The following PCDHGA5 variants were observed in gnomAD, a reference collection of about 807,000 sequenced individuals.
PCDHGA5 encodes protocadherin gamma subfamily A, 5, also known as protocadherin gamma-A5.
In PCDHGA5, 36 loss-of-function variants were observed where a neutral mutation model predicts 56.7. That is an observed-to-expected ratio of 0.64 (90% CI 0.49 to 0.84). The LOEUF (loss-of-function observed/expected upper bound fraction) is 0.84. PCDHGA5 is among the 40% of genes least tolerant of loss of function. The pLI, the probability that PCDHGA5 is intolerant of heterozygous loss-of-function variation, is 0.00. For synonymous variants in PCDHGA5, 563 were observed against 520.2 expected, an observed-to-expected ratio of 1.08 and a Z score of -1.12; for missense variants, 1,305 against 1,201.5, an observed-to-expected ratio of 1.09 and a Z score of -1.27.
intron 1 of PCDHGA5, chr5:141,383,265 A>AAT: frequency 6.2e-7 from 1 of 1,613,948 alleles, no homozygotes; most frequent in African/African-American, 1.3e-5. Flanking sequence ...TAGACGTGGA[A>AAT]ATAATAGATA....
intron 1 of PCDHGA5, among the ~76,000 whole-genome samples, chr5:141,457,293 T>A (rs2098916185): frequency 6.6e-6 from 1 of 152,226 alleles, no homozygotes; most frequent in Admixed American, 6.5e-5. Context: ...TTCCTTGGTT[T>A]TATTTTCCCA....
chr5:141,415,755 T>C (rs753465209), intron 1 of PCDHGA5: 19 of 1,387,632 alleles, frequency 1.4e-5, no homozygotes, highest in Middle Eastern at 2.6e-4. Flanking sequence ...TTTTTTTTTT[T>C]TTTTTTTTTT....
At chr5:141,372,931 A>T in intron 1 of PCDHGA5, 1 of 890,318 alleles carries the variant, frequency 1.1e-6, no homozygotes, top group Non-Finnish European at 1.6e-6. Flanking sequence ...TTTCTGGTGT[A>T]GAGTAGGGTG....
rs774151451 is a variant in PCDHGA5 at position 141,374,148 on chromosome 5, C to A, written c.2421+7397C>A. On this transcript the variant is annotated intron_variant, in intron 1 of 3. Coordinates refer to ENST00000518069, the MANE Select transcript of PCDHGA5 (RefSeq NM_018918.3). The stretch of plus-strand genomic sequence containing the variant: ...GTCCTGCTCCTCACGCTCCTGGGGA[C>A]GCTGTGGGGGGCCGCGGCAGCGCAG... 1.2e-6 allele frequency: 2 copies of A among 1,611,000 alleles called. No individual in the cohort carries two copies. Among genetic ancestry groups the A allele is most frequent in the African/African-American group, 2.7e-5 (2 of 74,910 alleles).
chr5:141,392,463 AT>A (rs770659302), intron 1 of PCDHGA5: 30 of 173,504 alleles, frequency 1.7e-4, no homozygotes, highest in Non-Finnish European at 2.8e-4. Context: ...TTACGGATAA[AT>A]CAAATAAATT....
Position 141,486,427 on chromosome 5 carries a change from A to G in PCDHGA5, c.2422-8380A>G. On this transcript the variant is annotated intron_variant, in intron 1 of 3. Transcript: ENST00000518069. This position sits in a 1 kb window ranked among gnomAD's most constrained non-coding sequence, Gnocchi z 5.0. ...CTGGACCCTTGGATCGAGAGGCCAA[A>G]TCTAGCTATGACATCATGGTCACTG... The G allele has an allele frequency of 6.2e-7, 1 of 1,614,160 alleles. No homozygotes were observed. Among genetic ancestry groups the G allele is most frequent in the Non-Finnish European group, 8.5e-7 (1 of 1,180,016 alleles).
intron 1 of PCDHGA5, chr5:141,423,749 TTGGGGGGGGGG>T: frequency 3.7e-6 from 1 of 272,202 alleles, no homozygotes; most frequent in Non-Finnish European, 4.7e-6. Context: ...TGAAAACTGT[TTGGGGGGGGGG>T]TGGGGCGGCA....
chr5:141,425,869 C>G (rs1376765137), intron 1 of PCDHGA5, among the ~76,000 whole-genome samples: 1 of 152,198 alleles, frequency 6.6e-6, no homozygotes, highest in Non-Finnish European at 1.5e-5. Flanking sequence ...TATAGATTCC[C>G]ATCTCTAAGG....
At chr5:141,383,867 A>G in intron 1 of PCDHGA5, 3 of 1,614,006 alleles carry the variant, frequency 1.9e-6, no homozygotes, top group Non-Finnish European at 1.7e-6. Context: ...CAGGCTCAAG[A>G]TGGTCCTGGT....
rs371979287 is a variant in PCDHGA5, at chr5:141,384,185, C to A, written c.2421+17434C>A. On this transcript the variant is annotated intron_variant, in intron 1 of 3. Transcript: ENST00000518069. Reference sequence around the variant, plus strand: ...ACACTGAAAGCCACAGATGGTGGAACTCCTCCCTTGTCCAGGGAAACTCAC... The same window carrying A: ...ACACTGAAAGCCACAGATGGTGGAAATCCTCCCTTGTCCAGGGAAACTCAC... The A allele has an allele frequency of 6.2e-7, 1 of 1,613,718 alleles. No homozygotes were observed. Among genetic ancestry groups the A allele is most frequent in the Non-Finnish European group, 8.5e-7 (1 of 1,179,848 alleles).
chr5:141,398,165 G>A (rs574512663), intron 1 of PCDHGA5: 4 of 1,479,272 alleles, frequency 2.7e-6, no homozygotes, highest in South Asian at 2.8e-5. Context: ...CGGGCTGAGA[G>A]GCTGCCAGTG....
chr5:141,399,146 G>T (rs758823968), intron 1 of PCDHGA5: 1 of 1,613,792 alleles, frequency 6.2e-7, no homozygotes, highest in East Asian at 2.2e-5. Context: ...AATGACAATA[G>T]CCCAGAAGTT....
Position 141,489,978 on chromosome 5 carries a change from T to C in PCDHGA5, c.2422-4829T>C. 6.2e-7 allele frequency: 1 copy of C among 1,614,192 alleles called. No homozygotes were observed. Among genetic ancestry groups the C allele is most frequent in the Non-Finnish European group, 8.5e-7 (1 of 1,180,012 alleles). On this transcript the variant is annotated intron_variant, in intron 1 of 3. Coordinates refer to ENST00000518069, the MANE Select transcript of PCDHGA5 (RefSeq NM_018918.3). The surrounding 1 kb of genome is among the most constrained non-coding windows in gnomAD (Gnocchi z 4.5). ...ATGCTCCAACCTTCCAATCCTCAGT[T>C]CTACGTGTGGGAATCCCAGAGAATG...
intron 1 of PCDHGA5, among the ~76,000 whole-genome samples, chr5:141,462,459 CTG>C (rs2099040203): frequency 6.6e-6 from 1 of 152,010 alleles, no homozygotes; most frequent in African/African-American, 2.4e-5. Flanking sequence ...TAACTGAAAA[CTG>C]TGTATTCTGC....
rs779686795 is a variant in PCDHGA5 at position 141,476,566 on chromosome 5, G to C, written c.2422-18241G>C. The stretch of plus-strand genomic sequence containing the variant: ...TGGAGATTAGCGAGGCCGTGGCTCC[G>C]GGGACGCGCTTTCCGCTCGAGAGCG... On this transcript the variant is annotated intron_variant, in intron 1 of 3. Transcript: ENST00000518069. This position sits in a 1 kb window ranked among gnomAD's most constrained non-coding sequence, Gnocchi z 7.6. 1.2e-6 allele frequency: 2 copies of C among 1,614,180 alleles called. No homozygotes were observed. The highest frequency in any genetic ancestry group is 1.7e-5 in the Admixed American group (1 of 60,030).
chr5:141,364,200 A>G lies in PCDHGA5; in HGVS notation c.-131A>G. Reference sequence around the variant, plus strand: ...TCCCTCCATACTAAACACACAGACCAGACAAGCTCCTACGAAAAGCCAACG... The same window carrying G: ...TCCCTCCATACTAAACACACAGACCGGACAAGCTCCTACGAAAAGCCAACG... On this transcript the variant is annotated 5_prime_UTR_variant, in exon 1 of 4. Transcript: ENST00000518069. 1 of 1,126,004 alleles carries G rather than the reference A, an allele frequency of 8.9e-7. No individual in the cohort carries two copies. The highest frequency in any genetic ancestry group is 1.2e-6 in the Non-Finnish European group (1 of 817,542). The allele number at this position is 1,126,004 out of a possible 1,614,324, so 69.8% of individuals were successfully genotyped here.
At chr5:141,395,358 G>C in intron 1 of PCDHGA5, 1 of 1,346,158 alleles carries the variant, frequency 7.4e-7, no homozygotes, top group Non-Finnish European at 9.9e-7. Flanking sequence ...ACAGAGTTTT[G>C]GGTTTATTTT....
At chr5:141,436,849 T>C (rs1007573014) in intron 1 of PCDHGA5, among the ~76,000 whole-genome samples, 11 of 152,256 alleles carry the variant, frequency 7.2e-5, no homozygotes, top group African/African-American at 2.7e-4. Context: ...ACATTCTTGA[T>C]TGAGAAGCCA....
chr5:141,403,213 G>A (rs1314899957), intron 1 of PCDHGA5: 1 of 1,613,970 alleles, frequency 6.2e-7, no homozygotes, highest in Non-Finnish European at 8.5e-7. Flanking sequence ...TGGTCACCGC[G>A]GGTAGGATAG....
Sources: allele counts gnomAD v4.1 joint callset (sites outside exome capture counted in the v4.1 genomes callset), GRCh38; gene constraint gnomAD v4.1.1; non-coding constraint Gnocchi (gnomAD v3.1); transcripts MANE v1.5; gene names NCBI Gene and HGNC (gene_info 2026-07-23, HGNC 2026-07-21).